Variants in LRRC7 observed in about 807,000 individuals in gnomAD.
LRRC7 encodes the protein leucine rich repeat containing 7, also known as leucine-rich repeat-containing protein 7.
LRRC7 carries 23 observed loss-of-function variants against 175.7 expected under a neutral mutation model. The ratio of observed to expected loss-of-function variants is 0.13; its 90% CI spans 0.09 to 0.19. LRRC7 has a LOEUF of 0.19. LRRC7 is among the 10% of genes least tolerant of loss of function. The probability of loss-of-function intolerance (pLI) is 1.00; values close to 1 mark genes in which losing one functional copy is unlikely to be tolerated. For synonymous variants in LRRC7, 685 were observed against 680.9 expected (o/e 1.01, Z -0.09); for missense variants, 1,354 against 1,904.7 (o/e 0.71, Z 5.38).
At position 69,810,262 on chromosome 1, in the gene LRRC7, G is replaced by A. The variant is rs4650309; in HGVS notation, c.422-15486G>A. On this transcript the variant is annotated intron_variant, in intron 4 of 26. Coordinates refer to ENST00000651989, the MANE Select transcript of LRRC7 (RefSeq NM_001370785.2). ...GGAGAACTACAAACCACTGCTCAAG[G>A]AAATAAGAGAGGACAAAAACAAATG... 3.3e-5 allele frequency among the ~76,000 whole-genome samples: 5 copies of A among 152,180 alleles called. No individual in the cohort carries two copies. The South Asian group carries it at 1.0e-3, about 32-fold the overall frequency.
At chr1:70,100,000 A>C (rs1328450867) in intron 25 of LRRC7, among the ~76,000 whole-genome samples, 2 of 152,188 alleles carry the variant, frequency 1.3e-5, no homozygotes, top group African/African-American at 2.4e-5. Context: ...TTTTAAAAGA[A>C]CATATGACAA....
At chr1:69,874,067 G>C (rs1051925997) in intron 7 of LRRC7, 1 of 152,082 alleles carries the variant, frequency 6.6e-6, no homozygotes, top group East Asian at 1.9e-4. Context: ...ATTTTGCAAA[G>C]TTCCCAGATG....
In LRRC7 at chr1:70,143,323, C is replaced by CAAAG. The variant is rs1667155552; in HGVS notation, c.*21440_*21443dup. The CAAAG allele has an allele frequency of 6.6e-6, 1 of 151,654 alleles. No homozygotes were observed. The highest frequency in any genetic ancestry group is 2.4e-5 in the African/African-American group (1 of 41,270). The allele number at this position is 151,654 out of a possible 1,614,324, so 9.4% of individuals were successfully genotyped here. A position where few individuals can be genotyped will look rare whatever the true frequency, so the allele number is the denominator to read the frequency against. ...AAGAACTTGAATTGGGATCTGATTT[C>CAAAG]AAAGAAATCCCATTATATTATCAAG... On this transcript the variant is annotated 3_prime_UTR_variant, in exon 27 of 27. Coordinates refer to ENST00000651989, the MANE Select transcript of LRRC7 (RefSeq NM_001370785.2).
At chr1:69,854,527 C>G (rs935062956) in intron 7 of LRRC7, among the ~76,000 whole-genome samples, 1 of 151,874 alleles carries the variant, frequency 6.6e-6, no homozygotes, top group Non-Finnish European at 1.5e-5. Flanking sequence ...GAGAGAGAAG[C>G]AAGATTTTGA....
chr1:69,847,600 A>G (rs531867995), intron 7 of LRRC7, among the ~76,000 whole-genome samples: 38 of 152,202 alleles, frequency 2.5e-4, no homozygotes, highest in Admixed American at 1.8e-3. Flanking sequence ...CTGCCTAATG[A>G]CAGCACTACC....
chr1:69,712,745 A>T (rs1327383522), intron 2 of LRRC7, among the ~76,000 whole-genome samples: 1 of 152,236 alleles, frequency 6.6e-6, no homozygotes, highest in Admixed American at 6.5e-5. Context: ...TTGGTCTCTT[A>T]TAAAAGAATA....
chr1:69,780,006 C>T (rs558517936), intron 3 of LRRC7, among the ~76,000 whole-genome samples: 4 of 152,172 alleles, frequency 2.6e-5, no homozygotes, highest in Non-Finnish European at 5.9e-5. Flanking sequence ...GATTTCTCCT[C>T]TTAGCTGTGT....
At chr1:69,843,679 C>T (rs971122537) in intron 7 of LRRC7, among the ~76,000 whole-genome samples, 2 of 152,072 alleles carry the variant, frequency 1.3e-5, no homozygotes, top group African/African-American at 4.8e-5. Flanking sequence ...AATATACTCA[C>T]AGAAGATGCC....
At chr1:69,731,638 G>A (rs1433122566) in intron 2 of LRRC7, among the ~76,000 whole-genome samples, 1 of 152,134 alleles carries the variant, frequency 6.6e-6, no homozygotes, top group Non-Finnish European at 1.5e-5. Flanking sequence ...TGTTTGCATT[G>A]TACATTTGAA....
intron 1 of LRRC7, among the ~76,000 whole-genome samples, chr1:69,588,985 C>CTCTGTGTG (rs143489017): frequency 1.5e-5 from 2 of 131,070 alleles, no homozygotes; most frequent in African/African-American, 5.4e-5. Flanking sequence ...CTGCTGGGGT[C>CTCTGTGTG]TGTGTGTGTG....
chr1:69,781,893 G>T (rs60987959), intron 3 of LRRC7, among the ~76,000 whole-genome samples: 1 of 130,488 alleles, frequency 7.7e-6, no homozygotes, highest in Admixed American at 8.1e-5. Flanking sequence ...AAGGAAGGAA[G>T]GAAGGGAAAG....
chr1:69,969,568 C>T (rs1327552378), intron 8 of LRRC7, among the ~76,000 whole-genome samples: 1 of 152,098 alleles, frequency 6.6e-6, no homozygotes, highest in Non-Finnish European at 1.5e-5. Flanking sequence ...CCTTGTCCAA[C>T]ATGAAAATAT....
intron 1 of LRRC7, among the ~76,000 whole-genome samples, chr1:69,647,683 C>T (rs1239951182): frequency 6.6e-6 from 1 of 152,000 alleles, no homozygotes; most frequent in African/African-American, 2.4e-5. Flanking sequence ...TCTTCAAATA[C>T]TATTTCTAAC....
chr1:69,585,026 T>C (rs1167973553), intron 1 of LRRC7, among the ~76,000 whole-genome samples: 2 of 152,216 alleles, frequency 1.3e-5, no homozygotes, highest in Non-Finnish European at 2.9e-5. Flanking sequence ...CAAAATGTTA[T>C]ACAAAATGTT....
intron 7 of LRRC7, among the ~76,000 whole-genome samples, chr1:69,860,102 G>T (rs567104195): frequency 2.4e-4 from 36 of 151,864 alleles, no homozygotes; most frequent in African/African-American, 8.2e-4. Flanking sequence ...TCTCATCAGG[G>T]TTTTTGTTTT....
chr1:69,619,336 G>A (rs560939003), intron 1 of LRRC7, among the ~76,000 whole-genome samples: 3 of 152,158 alleles, frequency 2.0e-5, no homozygotes, highest in Admixed American at 6.5e-5. Context: ...TTAAAGCAGT[G>A]GCATCAAACT....
intron 2 of LRRC7, among the ~76,000 whole-genome samples, chr1:69,721,520 T>C (rs1244330085): frequency 3.3e-5 from 5 of 151,912 alleles, no homozygotes; most frequent in Non-Finnish European, 4.4e-5. Flanking sequence ...GTTTTCTTCA[T>C]GTCCTTTCAT....
intron 11 of LRRC7, among the ~76,000 whole-genome samples, chr1:70,005,432 T>C (rs1478116449): frequency 6.6e-6 from 1 of 152,224 alleles, no homozygotes; most frequent in African/African-American, 2.4e-5. Context: ...ATATTCACAA[T>C]CTTTCTTCCC....
At chr1:70,054,489 TA>T (rs1660977812) in intron 23 of LRRC7, among the ~76,000 whole-genome samples, 1 of 149,862 alleles carries the variant, frequency 6.7e-6, no homozygotes, top group African/African-American at 2.5e-5. Context: ...TCTCTAAAGG[TA>T]AAGTAGGGGA....
Sources: allele counts gnomAD v4.1 joint callset (sites outside exome capture counted in the v4.1 genomes callset), GRCh38; gene constraint gnomAD v4.1.1; transcripts MANE v1.5; gene names NCBI Gene and HGNC (gene_info 2026-07-23, HGNC 2026-07-21).